Variants in PKHD1 observed in about 807,000 individuals in gnomAD.
PKHD1 encodes the protein PKHD1 ciliary IPT domain containing fibrocystin/polyductin, also known as fibrocystin.
In PKHD1, 291 loss-of-function variants were observed where a neutral mutation model predicts 412.0. That is an observed-to-expected ratio of 0.71 (90% CI 0.64 to 0.78). The LOEUF is 0.78. Ranked by LOEUF, PKHD1 falls within the 30% of genes least tolerant of loss-of-function variation. The pLI is 0.00. For synonymous variants in PKHD1, 1,777 were observed against 1,821.5 expected (o/e 0.98, Z 0.62); for missense variants, 4,825 against 4,950.7 (o/e 0.97, Z 0.76).
chr6:51,630,463 T>C (rs1767790426), intron 65 of PKHD1, among the ~76,000 whole-genome samples: 1 of 152,206 alleles, frequency 6.6e-6, no homozygotes, highest in Non-Finnish European at 1.5e-5. Flanking sequence ...ATTTAAAATG[T>C]TATGTTTACA....
rs1362525859 is a variant in PKHD1 at position 51,619,474 on chromosome 6, G to T, written c.11832C>A (p.His3944Gln). Residue 3944 changes from histidine to glutamine, a missense_variant, in exon 67 of 67, where the codon CAC (histidine) becomes CAA (glutamine). His to Gln is a conservative substitution (Grantham distance 24). Transcript: ENST00000371117. ...TTCTGGACACTCCATTCATCAACTG[G>T]TGGGGGCACTGGTTCACCTTGCCCA... The part of the protein sequence containing the change: ...VMLGKVNQCP[H>Q]QLMNGVSRRK... 1.2e-6 allele frequency: 2 copies of T among 1,613,972 alleles called. No individual in the cohort carries two copies. Among genetic ancestry groups the T allele is most frequent in the Admixed American group, 3.3e-5 (2 of 60,000 alleles).
chr6:52,043,269 C>T, intron 26 of PKHD1, 135 bp from the exon 27 acceptor site: 1 of 702,716 alleles, frequency 1.4e-6, no homozygotes, highest in Non-Finnish European at 2.4e-6. Flanking sequence ...GAGCTGAATG[C>T]TGAATTAAAT....
intron 56 of PKHD1, 85 bp downstream of exon 56, chr6:51,754,699 A>G (rs1223336201): frequency 5.2e-6 from 6 of 1,148,158 alleles, no homozygotes; most frequent in Admixed American, 3.4e-5. Flanking sequence ...CTGAATGGCA[A>G]TCAGATCCGA....
chr6:51,650,137 C>T (rs1043022148), intron 61 of PKHD1, among the ~76,000 whole-genome samples: 3 of 152,156 alleles, frequency 2.0e-5, no homozygotes, highest in African/African-American at 7.2e-5. Context: ...TTCCTTTGAA[C>T]ATGTTAAGTG....
intron 66 of PKHD1, among the ~76,000 whole-genome samples, chr6:51,625,711 A>G (rs78468924): frequency 0.029 from 4,395 of 152,228 alleles, 88 homozygotes; most frequent in African/African-American, 0.045. Context: ...AATGCACATA[A>G]ATGGCCATAT....
intron 35 of PKHD1, among the ~76,000 whole-genome samples, chr6:51,983,783 T>TAAC: frequency 6.6e-6 from 1 of 152,358 alleles, no homozygotes; most frequent in East Asian, 1.9e-4. Flanking sequence ...GAGCACAAGC[T>TAAC]AACAGCTTCC....
At chr6:51,824,170 A>G (rs1734485377) in intron 52 of PKHD1, among the ~76,000 whole-genome samples, 1 of 152,218 alleles carries the variant, frequency 6.6e-6, no homozygotes, top group South Asian at 2.1e-4. Context: ...CTGCCAAATC[A>G]ACAATTCTAT....
intron 56 of PKHD1, among the ~76,000 whole-genome samples, chr6:51,753,709 G>A (rs373942042): frequency 2.0e-5 from 3 of 152,174 alleles, no homozygotes; most frequent in African/African-American, 7.2e-5. Flanking sequence ...TTCAGTGTTG[G>A]GTTGTACATT....
chr6:52,040,490 T>C (rs62406031), intron 27 of PKHD1, among the ~76,000 whole-genome samples: 7,952 of 152,142 alleles, frequency 0.052, 282 homozygotes, highest in East Asian at 0.11. Flanking sequence ...AATCCTCCAA[T>C]GGCCACCATC....
chr6:51,741,976 T>G (rs1784609058), intron 60 of PKHD1, among the ~76,000 whole-genome samples: 1 of 152,266 alleles, frequency 6.6e-6, no homozygotes, highest in South Asian at 2.1e-4. Context: ...GTGCTTATTT[T>G]AACATATCAG....
intron 60 of PKHD1, among the ~76,000 whole-genome samples, chr6:51,670,448 C>T (rs4371843): frequency 0.36 from 53,809 of 150,500 alleles, 10,931 homozygotes; most frequent in African/African-American, 0.53. Flanking sequence ...TGTCTCTGCA[C>T]GTGAGATGGG....
intron 55 of PKHD1, among the ~76,000 whole-genome samples, chr6:51,771,159 T>C (rs1226121333): frequency 1.3e-5 from 2 of 151,778 alleles, no homozygotes; most frequent in African/African-American, 4.8e-5. Context: ...TAATATTTAC[T>C]ATACCTATTG....
intron 65 of PKHD1, among the ~76,000 whole-genome samples, chr6:51,630,211 C>T (rs1767759798): frequency 6.6e-6 from 1 of 152,090 alleles, no homozygotes; most frequent in Non-Finnish European, 1.5e-5. Context: ...AGTCTGGGTG[C>T]AGTAAGAAAG....
chr6:51,857,850 A>G (rs891968519), intron 48 of PKHD1, among the ~76,000 whole-genome samples: 1 of 152,242 alleles, frequency 6.6e-6, no homozygotes, highest in Admixed American at 6.5e-5. Flanking sequence ...TTCATCCATG[A>G]ACTAATGAAA....
chr6:51,888,717 C>T (rs772014698), intron 43 of PKHD1, among the ~76,000 whole-genome samples: 6 of 151,528 alleles, frequency 4.0e-5, no homozygotes, highest in Middle Eastern at 3.4e-3. Context: ...CAACTACAGG[C>T]AACAAAGTAA....
At chr6:51,940,276 C>T (rs1190358753) in intron 36 of PKHD1, among the ~76,000 whole-genome samples, 1 of 151,744 alleles carries the variant, frequency 6.6e-6, no homozygotes, top group Non-Finnish European at 1.5e-5. Context: ...TTAACCTTGC[C>T]TTCAAGGTGT....
intron 25 of PKHD1, among the ~76,000 whole-genome samples, chr6:52,043,975 A>G (rs1343358128): frequency 6.6e-6 from 1 of 152,202 alleles, no homozygotes; most frequent in Admixed American, 6.5e-5. Flanking sequence ...ATAAATATTG[A>G]GTAAATTTAT....
chr6:51,948,226 T>C (rs546397034), intron 36 of PKHD1, among the ~76,000 whole-genome samples: 7 of 152,284 alleles, frequency 4.6e-5, no homozygotes, highest in African/African-American at 1.7e-4. Flanking sequence ...CTCAGTGTTG[T>C]CATTCCTTCT....
chr6:51,631,927 C>CTTTTTTTTTT (rs1277193806), intron 65 of PKHD1, among the ~76,000 whole-genome samples: 28 of 137,650 alleles, frequency 2.0e-4, no homozygotes, highest in African/African-American at 6.8e-4. Context: ...TCCCCGGATT[C>CTTTTTTTTTT]TTTTTTTTTT....
Sources: gnomAD v4.1 joint callset for allele counts (sites outside exome capture counted in the v4.1 genomes callset) on GRCh38, gnomAD v4.1.1 for gene constraint, MANE v1.5 for transcripts, NCBI Gene and HGNC (gene_info 2026-07-23, HGNC 2026-07-21) for gene names.